NR1H4: variants seen among roughly 807,000 people sequenced by gnomAD.
The protein encoded by NR1H4 is bile acid receptor.
In NR1H4, 23 loss-of-function variants were observed where a neutral mutation model predicts 58.5. The observed-to-expected ratio is 0.39, with a 90% CI of 0.28 to 0.56. The LOEUF (loss-of-function observed/expected upper bound fraction) is 0.56, where lower values mean the gene tolerates loss of function less well. Ranked by LOEUF, NR1H4 falls within the 20% of genes least tolerant of loss-of-function variation. The pLI, the probability that NR1H4 is intolerant of heterozygous loss-of-function variation, is 0.58. For synonymous variants in NR1H4, 214 were observed against 198.0 expected (o/e 1.08, Z -0.68); for missense variants, 487 against 576.9 (o/e 0.84, Z 1.60).
chr12:100,532,368 A>G, intron 4 of NR1H4, 90 bp from the exon 5 acceptor site: 1 of 1,346,156 alleles, frequency 7.4e-7, no homozygotes, highest in East Asian at 2.3e-5. Context: ...AGTTGGTGAG[A>G]AAATGTCCTG....
chr12:100,481,902 A>G lies in NR1H4; in HGVS notation c.-190+7843A>G, dbSNP rs1017046728. On this transcript the variant is annotated intron_variant, in intron 1 of 10. Coordinates refer to ENST00000392986, the MANE Select transcript of NR1H4 (RefSeq NM_001206979.2). Reference sequence around the variant, plus strand: ...GCACTCCAGCCTGGGTGACAGAGCGAGACTCCATCTCAAAAAAATAAAAAT... The same window carrying G: ...GCACTCCAGCCTGGGTGACAGAGCGGGACTCCATCTCAAAAAAATAAAAAT... Among the ~76,000 whole-genome samples the G allele has an allele frequency of 2.0e-5, 3 of 152,164 alleles. No homozygotes were observed. The East Asian group carries it at 5.8e-4, about 29-fold the overall frequency.
intron 4 of NR1H4, among the ~76,000 whole-genome samples, chr12:100,527,665 G>T (rs895923075): frequency 6.6e-6 from 1 of 152,236 alleles, no homozygotes; most frequent in Non-Finnish European, 1.5e-5. Flanking sequence ...GTAAGAAAGA[G>T]ATAATAGTAT....
intron 1 of NR1H4, among the ~76,000 whole-genome samples, chr12:100,487,719 C>A (rs1277119102): frequency 1.3e-5 from 2 of 149,394 alleles, no homozygotes; most frequent in African/African-American, 4.9e-5. Flanking sequence ...TCAAATGATT[C>A]TCCTGCCTCA....
At position 100,548,212 on chromosome 12, in the gene NR1H4, A is replaced by G. The variant is rs183217464; in HGVS notation, c.1078+7394A>G. ...GAAACCCCGTCTCTACTAAAAATATAAAAAATTAGCCGGGCATGGTGGCAC... is the reference window on the plus strand; with the variant it reads ...GAAACCCCGTCTCTACTAAAAATATGAAAAATTAGCCGGGCATGGTGGCAC... On this transcript the variant is annotated intron_variant, in intron 9 of 10. Coordinates refer to ENST00000392986, the MANE Select transcript of NR1H4 (RefSeq NM_001206979.2). Among the ~76,000 whole-genome samples, 556 of 150,642 alleles carry G rather than the reference A, an allele frequency of 3.7e-3. 2 individuals carry two copies. The highest frequency in any genetic ancestry group is 6.8e-3 in the Non-Finnish European group (459 of 67,540).
chr12:100,549,214 G>T (rs373687505), intron 9 of NR1H4, among the ~76,000 whole-genome samples: 7 of 152,008 alleles, frequency 4.6e-5, no homozygotes, highest in Non-Finnish European at 2.9e-5. Flanking sequence ...GGCATGTGCC[G>T]GTAGTCCCAG....
chr12:100,559,578 G>T (rs533716028), intron 9 of NR1H4, among the ~76,000 whole-genome samples: 1 of 152,192 alleles, frequency 6.6e-6, no homozygotes, highest in Non-Finnish European at 1.5e-5. Flanking sequence ...GCCCACCGGC[G>T]CTGCGCTGGA....
Position 100,489,887 on chromosome 12 carries a change from T to G in NR1H4, c.-189-2616T>G, listed in dbSNP as rs185741439. On this transcript the variant is annotated intron_variant, in intron 1 of 10. Coordinates refer to ENST00000392986, the MANE Select transcript of NR1H4 (RefSeq NM_001206979.2). ...AATTGTAAACCCAATGAATCTGACT[T>G]GAGTGGACCCTGCTAACTATCTGGA... Among the ~76,000 whole-genome samples the G allele has an allele frequency of 1.2e-3, 183 of 152,328 alleles. 2 individuals carry two copies. The highest frequency in any genetic ancestry group is 2.0e-3 in the Admixed American group (30 of 15,296).
chr12:100,529,923 T>G (rs951487836), intron 4 of NR1H4, among the ~76,000 whole-genome samples: 2 of 152,216 alleles, frequency 1.3e-5, no homozygotes, highest in Non-Finnish European at 2.9e-5. Context: ...GCAGTGTAAT[T>G]GCTGCCTCTC....
At chr12:100,541,116 G>A (rs1205148309) in intron 9 of NR1H4, among the ~76,000 whole-genome samples, 2 of 152,278 alleles carry the variant, frequency 1.3e-5, no homozygotes, top group Non-Finnish European at 1.5e-5. Context: ...CTAGCACAAA[G>A]GAGCTAGGAT....
chr12:100,502,548 T>C (rs1035988665), intron 3 of NR1H4, among the ~76,000 whole-genome samples: 3 of 152,362 alleles, frequency 2.0e-5, no homozygotes, highest in Admixed American at 2.0e-4. Flanking sequence ...GGATCTTCAT[T>C]TTAATTTGAT....
At chr12:100,480,523 C>T (rs976120044) in intron 1 of NR1H4, among the ~76,000 whole-genome samples, 2 of 152,100 alleles carry the variant, frequency 1.3e-5, no homozygotes, top group Admixed American at 1.3e-4. Flanking sequence ...AACAGGACCC[C>T]CATCTTCCCA....
intron 3 of NR1H4, among the ~76,000 whole-genome samples, chr12:100,509,445 G>A (rs1384294764): frequency 2.6e-5 from 4 of 152,274 alleles, no homozygotes; most frequent in Admixed American, 2.0e-4. Context: ...CTTTAATAAT[G>A]ATGGTAGTAA....
chr12:100,561,484 C>A (rs1955473025), intron 9 of NR1H4, among the ~76,000 whole-genome samples: 2 of 152,198 alleles, frequency 1.3e-5, no homozygotes, highest in Non-Finnish European at 2.9e-5. Flanking sequence ...ATAACAACCA[C>A]TTTTTGTTAG....
intron 2 of NR1H4, among the ~76,000 whole-genome samples, chr12:100,492,989 C>A (rs1953636366): frequency 6.6e-6 from 1 of 151,704 alleles, no homozygotes; most frequent in South Asian, 2.1e-4. Context: ...CATATCTTGC[C>A]CAAATCTCCC....
intron 4 of NR1H4, among the ~76,000 whole-genome samples, chr12:100,520,235 T>TA: frequency 6.6e-6 from 1 of 152,306 alleles, no homozygotes; most frequent in East Asian, 1.9e-4. Context: ...AGCACGGGCT[T>TA]TGCGGGCTGA....
intron 4 of NR1H4, among the ~76,000 whole-genome samples, chr12:100,526,193 A>AT (rs5800410): frequency 0.85 from 122,099 of 144,024 alleles, 53,282 homozygotes; most frequent in Non-Finnish European, 0.97. Context: ...AATTTTAAGT[A>AT]TTTTTTTTTT....
intron 4 of NR1H4, among the ~76,000 whole-genome samples, chr12:100,527,481 T>G (rs1015155249): frequency 6.6e-6 from 1 of 152,198 alleles, no homozygotes; most frequent in African/African-American, 2.4e-5. Context: ...TGCAGTGAGC[T>G]ATGATTGCAC....
At chr12:100,527,300 G>A (rs986091107) in intron 4 of NR1H4, among the ~76,000 whole-genome samples, 4 of 152,228 alleles carry the variant, frequency 2.6e-5, no homozygotes, top group Admixed American at 2.6e-4. Context: ...GGTTGAGGCA[G>A]GAGGATTGCT....
chr12:100,498,003 C>G (rs186784788), intron 3 of NR1H4, among the ~76,000 whole-genome samples: 547 of 152,224 alleles, frequency 3.6e-3, no homozygotes, highest in Non-Finnish European at 6.3e-3. Context: ...ATTCACTTAG[C>G]ACAGTGACAC....
Sources: allele counts gnomAD v4.1 joint callset (sites outside exome capture counted in the v4.1 genomes callset), GRCh38; gene constraint gnomAD v4.1.1; transcripts MANE v1.5; gene names NCBI Gene and HGNC (gene_info 2026-07-23, HGNC 2026-07-21).